Variants in PTPRD observed in about 807,000 individuals in gnomAD.
PTPRD encodes protein tyrosine phosphatase receptor type D.
Under a neutral mutation model 214.5 loss-of-function variants are expected in PTPRD, and 34 were observed. That is an observed-to-expected ratio of 0.16 (90% CI 0.12 to 0.21). The LOEUF is 0.21. Ranked by LOEUF, PTPRD falls within the 10% of genes least tolerant of loss-of-function variation. PTPRD has a pLI of 1.00. For missense variants in PTPRD, 2,545 were observed against 2,398.7 expected, an observed-to-expected ratio of 1.06 and a Z score of -1.27; for synonymous variants, 1,128 against 845.7, an observed-to-expected ratio of 1.33 and a Z score of -5.79.
At position 10,031,368 on chromosome 9, in the gene PTPRD, G is replaced by A. The variant is rs139550435; in HGVS notation, c.-472+2350C>T. On this transcript the variant is annotated intron_variant, in intron 4 of 45. Coordinates refer to ENST00000381196, the MANE Select transcript of PTPRD (RefSeq NM_002839.4). ...TTGAGTCAGTGGGCTGGGGAAGGCAGACCCACCCTTAATCTGGCAGGCACC... is the reference window on the plus strand; with the variant it reads ...TTGAGTCAGTGGGCTGGGGAAGGCAAACCCACCCTTAATCTGGCAGGCACC... Among the ~76,000 whole-genome samples, 89 of 151,926 alleles carry A rather than the reference G, an allele frequency of 5.9e-4. No individual in the cohort carries two copies. In the East Asian group the frequency reaches 0.016, roughly 28 times the overall value.
intron 4 of PTPRD, among the ~76,000 whole-genome samples, chr9:10,012,020 C>A (rs2096610598): frequency 6.6e-6 from 1 of 151,806 alleles, no homozygotes; most frequent in Non-Finnish European, 1.5e-5. Context: ...CCTTCTTTTT[C>A]AATTATAAAT....
intron 11 of PTPRD, chr9:8,861,360 A>G (rs2098101529): frequency 6.6e-6 from 1 of 152,152 alleles, no homozygotes; most frequent in African/African-American, 2.4e-5. Flanking sequence ...TGGGTCATAA[A>G]CAATTTCTGA....
intron 25 of PTPRD, among the ~76,000 whole-genome samples, chr9:8,497,845 G>A (rs573220930): frequency 6.6e-6 from 1 of 152,274 alleles, no homozygotes; most frequent in East Asian, 1.9e-4. Context: ...ACCATATTTT[G>A]CAATGGAACT....
intron 10 of PTPRD, among the ~76,000 whole-genome samples, chr9:9,178,993 C>A (rs2099926561): frequency 6.6e-6 from 1 of 152,070 alleles, no homozygotes; most frequent in African/African-American, 2.4e-5. Context: ...ATGCTAATTA[C>A]TTCTTTACTA....
intron 2 of PTPRD, among the ~76,000 whole-genome samples, chr9:10,588,089 G>T (rs2074388387): frequency 6.6e-6 from 1 of 151,998 alleles, no homozygotes; most frequent in African/African-American, 2.4e-5. Context: ...TTTAGAAAGG[G>T]AATAAGATGA....
chr9:10,367,779 G>C (rs1047229002), intron 2 of PTPRD, among the ~76,000 whole-genome samples: 1 of 151,930 alleles, frequency 6.6e-6, no homozygotes, highest in African/African-American at 2.4e-5. Context: ...AGGCAAAATG[G>C]GATACAGACA....
intron 11 of PTPRD, among the ~76,000 whole-genome samples, chr9:8,774,715 G>A (rs186546160): frequency 0.03 from 4,599 of 151,708 alleles, 86 homozygotes; most frequent in Middle Eastern, 0.054. Flanking sequence ...TGTATTTTTA[G>A]TAGAGACGGG....
intron 12 of PTPRD, among the ~76,000 whole-genome samples, chr9:8,693,321 G>A (rs940683669): frequency 1.8e-4 from 28 of 152,108 alleles, no homozygotes; most frequent in African/African-American, 6.3e-4. Context: ...TCCCACACGG[G>A]ATCATTCACT....
Position 9,542,147 on chromosome 9 carries a change from A to T in PTPRD, c.-237+32585T>A, listed in dbSNP as rs566484585. On this transcript the variant is annotated intron_variant, in intron 8 of 45. Transcript: ENST00000381196. ...CTTACAGAAAAAAACGAAAAAAGAG[A>T]AGAACACAATCTACTGCTATCAGGG... 1.5e-3 allele frequency among the ~76,000 whole-genome samples: 229 copies of T among 151,886 alleles called. 2 individuals are homozygous for T. The highest frequency in any genetic ancestry group is 3.4e-3 in the Middle Eastern group (1 of 294).
chr9:8,741,185 T>G (rs1024146596), intron 11 of PTPRD, among the ~76,000 whole-genome samples: 21 of 151,784 alleles, frequency 1.4e-4, no homozygotes, highest in Non-Finnish European at 1.0e-4. Flanking sequence ...AAATGAGGTA[T>G]GCCGTGAGAA....
intron 14 of PTPRD, among the ~76,000 whole-genome samples, chr9:8,565,307 T>A (rs777022840): frequency 1.3e-5 from 2 of 152,188 alleles, no homozygotes; most frequent in Non-Finnish European, 2.9e-5. Flanking sequence ...TTTGACCTTT[T>A]TTTCCCTAGA....
rs547281687 is a variant in PTPRD, at chr9:8,702,768, C to T, written c.64+31012G>A. On this transcript the variant is annotated intron_variant, in intron 12 of 45. Transcript: ENST00000381196. Reference sequence around the variant, plus strand: ...GATTACAGGCGCCCGCCACTACGCCCAGCGAATTTTTTGTATTTTTAGTAA... The same window carrying T: ...GATTACAGGCGCCCGCCACTACGCCTAGCGAATTTTTTGTATTTTTAGTAA... Among the ~76,000 whole-genome samples the T allele has an allele frequency of 7.9e-5, 12 of 152,300 alleles. No homozygotes were observed. In the East Asian group the frequency reaches 2.3e-3, roughly 29 times the overall value.
chr9:9,130,201 G>A (rs2154473729), intron 10 of PTPRD, among the ~76,000 whole-genome samples: 1 of 152,176 alleles, frequency 6.6e-6, no homozygotes, highest in South Asian at 2.1e-4. Context: ...GGTTTGACAG[G>A]AGTAAGTCCA....
intron 11 of PTPRD, among the ~76,000 whole-genome samples, chr9:8,822,084 T>C (rs1377405144): frequency 6.6e-6 from 1 of 152,226 alleles, no homozygotes; most frequent in African/African-American, 2.4e-5. Flanking sequence ...AAACACATTT[T>C]TAGTGGTTTT....
chr9:10,187,340 T>C (rs2099340220), intron 3 of PTPRD, among the ~76,000 whole-genome samples: 1 of 152,200 alleles, frequency 6.6e-6, no homozygotes, highest in African/African-American at 2.4e-5. Context: ...AGGTAGCCAA[T>C]ATCATCTACA....
chr9:10,314,801 G>C (rs2096377490), intron 3 of PTPRD, among the ~76,000 whole-genome samples: 1 of 151,882 alleles, frequency 6.6e-6, no homozygotes, highest in Non-Finnish European at 1.5e-5. Flanking sequence ...GAATGGTTGA[G>C]GCAGGATTAG....
At chr9:9,048,650 G>A (rs959110724) in intron 10 of PTPRD, among the ~76,000 whole-genome samples, 3 of 152,104 alleles carry the variant, frequency 2.0e-5, no homozygotes, top group African/African-American at 7.2e-5. Flanking sequence ...TGGTTACCGG[G>A]GGCTAGGAAA....
chr9:8,463,296 C>T (rs60574841), intron 32 of PTPRD, among the ~76,000 whole-genome samples: 1 of 112,054 alleles, frequency 8.9e-6, no homozygotes, highest in Non-Finnish European at 1.7e-5. Context: ...GTCCAAGCTT[C>T]TCAGAGGCAG....
At chr9:8,442,574 T>C (rs1181119772) in intron 34 of PTPRD, among the ~76,000 whole-genome samples, 1 of 152,174 alleles carries the variant, frequency 6.6e-6, no homozygotes, top group Non-Finnish European at 1.5e-5. Context: ...GAGAAGCTAA[T>C]TTTTTCATCA....
Sources: allele counts gnomAD v4.1 joint callset (sites outside exome capture counted in the v4.1 genomes callset), GRCh38; gene constraint gnomAD v4.1.1; transcripts MANE v1.5; gene names NCBI Gene and HGNC (gene_info 2026-07-23, HGNC 2026-07-21).